LRP2BP: variants seen among roughly 807,000 people sequenced by gnomAD.
LRP2BP encodes the protein LRP2-binding protein.
Under a neutral mutation model 45.2 loss-of-function variants are expected in LRP2BP, and 38 were observed. The observed-to-expected ratio is 0.84, with a 90% CI of 0.65 to 1.10. The LOEUF (loss-of-function observed/expected upper bound fraction) is 1.10. LRP2BP is among the 50% of genes least tolerant of loss of function. LRP2BP has a pLI of 0.00. For missense variants in LRP2BP, 385 were observed against 418.9 expected, an observed-to-expected ratio of 0.92 and a Z score of 0.71; for synonymous variants, 153 against 153.9, an observed-to-expected ratio of 0.99 and a Z score of 0.04.
intron 8 of LRP2BP, 73 bp downstream of exon 8, chr4:185,370,567 A>G: frequency 6.7e-7 from 1 of 1,495,642 alleles, no homozygotes; most frequent in Non-Finnish European, 9.2e-7. Context: ...CTAATCCGTA[A>G]AACTATTCAA....
At chr4:185,389,414 G>A (rs956437164) in intron 1 of LRP2BP, among the ~76,000 whole-genome samples, 3 of 151,424 alleles carry the variant, frequency 2.0e-5, no homozygotes, top group Non-Finnish European at 2.9e-5. Flanking sequence ...GTTTCACTAT[G>A]TTGGCCAGAC....
chr4:185,371,130 G>T, intron 7 of LRP2BP: 1 of 230,634 alleles, frequency 4.3e-6, no homozygotes, highest in Non-Finnish European at 8.7e-6. Flanking sequence ...GATTTAAACT[G>T]AACGGAGAAG....
At chr4:185,391,955 A>G (rs540100824) in intron 1 of LRP2BP, among the ~76,000 whole-genome samples, 84 of 152,352 alleles carry the variant, frequency 5.5e-4, no homozygotes, top group Non-Finnish European at 6.6e-4. Context: ...ATCTGAATCT[A>G]TATTAAGCTA....
At chr4:185,377,911 C>T (rs2095443470) in intron 2 of LRP2BP, 170 bp downstream of exon 2, 2 of 578,978 alleles carry the variant, frequency 3.5e-6, no homozygotes, top group African/African-American at 3.8e-5. Flanking sequence ...GATTTGCTAC[C>T]AGATAAATGA....
At chr4:185,375,237 G>A (rs2095429226) in intron 4 of LRP2BP, among the ~76,000 whole-genome samples, 1 of 150,220 alleles carries the variant, frequency 6.7e-6, no homozygotes, top group Admixed American at 6.6e-5. Flanking sequence ...CACCATGCCT[G>A]GCTAATTTTT....
rs1331237930 is a variant in LRP2BP at position 185,366,819 on chromosome 4, T to A, written c.*361A>T. On this transcript the variant is annotated 3_prime_UTR_variant, in exon 9 of 9. Transcript: ENST00000505916. The stretch of plus-strand genomic sequence containing the variant: ...TTCAAATGATGGTTTTAAATAAGTT[T>A]GTTTCTACTTCTGAACTTACTAAAC... 6.3e-6 allele frequency: 1 copy of A among 159,246 alleles called. No homozygotes were observed. The highest frequency in any genetic ancestry group is 2.4e-5 in the African/African-American group (1 of 41,780). The allele number at this position is 159,246 out of a possible 1,614,324, so 9.9% of individuals were successfully genotyped here. A position where few individuals can be genotyped will look rare whatever the true frequency, so the allele number is the denominator to read the frequency against.
chr4:185,389,626 AAAAC>A (rs780945594), intron 1 of LRP2BP, among the ~76,000 whole-genome samples: 2 of 152,244 alleles, frequency 1.3e-5, no homozygotes, highest in Non-Finnish European at 1.5e-5. Context: ...TCACTAAAAA[AAAAC>A]AACTGAGTTT....
upstream of LRP2BP, chr4:185,397,207 C>G: frequency 6.2e-7 from 1 of 1,614,070 alleles, no homozygotes; most frequent in Non-Finnish European, 8.5e-7. Context: ...ACCCCCGGAT[C>G]CCTGCAAGCA....
intron 7 of LRP2BP, among the ~76,000 whole-genome samples, 174 bp downstream of exon 7, chr4:185,372,682 A>G (rs2095419896): frequency 6.6e-6 from 1 of 152,174 alleles, no homozygotes; most frequent in Non-Finnish European, 1.5e-5. Flanking sequence ...CCTTTTTATA[A>G]AAGAGGTTTC....
At chr4:185,375,492 A>AT in intron 4 of LRP2BP, 121 bp downstream of exon 4, 1 of 54,828 alleles carries the variant, frequency 1.8e-5, no homozygotes, top group African/African-American at 1.2e-4. Flanking sequence ...AAAAAAATAT[A>AT]TATATATATA....
chr4:185,389,816 G>C (rs1246248704), intron 1 of LRP2BP, among the ~76,000 whole-genome samples: 2 of 152,118 alleles, frequency 1.3e-5, no homozygotes, highest in Admixed American at 6.5e-5. Context: ...GGCATTCTTG[G>C]GAGTGGCAGG....
At position 185,374,372 on chromosome 4, in the gene LRP2BP, TC is replaced by T; in HGVS notation, c.419del (p.Gly140GlufsTer34). 1 of 1,614,206 alleles carries T rather than the reference TC, an allele frequency of 6.2e-7. No individual in the cohort carries two copies. The highest frequency in any genetic ancestry group is 1.1e-5 in the South Asian group (1 of 91,082). On this transcript the variant is annotated frameshift_variant, in exon 5 of 9. Transcript: ENST00000505916. LOFTEE classifies it high-confidence loss of function. ...CACCTTTTCCTTCATAATAAGCTCT[TC>T]CGAGGTTGTAAGCAGCTGCAAATTT... ...HLKFAAAYNL[G>X]RAYYEGKGVK...
chr4:185,371,728 TCTAA>T lies in LRP2BP; in HGVS notation c.804-918_804-915del, dbSNP rs1219849897. On this transcript the variant is annotated intron_variant, in intron 7 of 8. Transcript: ENST00000505916. Reference sequence around the variant, plus strand: ...TTAAAGAATGATTTAAAGTCTTAGTTCTAACTAAGATGGGCACTTGCTTTGAGAC... The same window carrying T: ...TTAAAGAATGATTTAAAGTCTTAGTTCTAAGATGGGCACTTGCTTTGAGAC... 9.9e-5 allele frequency among the ~76,000 whole-genome samples: 15 copies of T among 152,214 alleles called. 2 individuals carry two copies. In the East Asian group the frequency reaches 2.9e-3, roughly 29 times the overall value.
At chr4:185,386,772 C>A (rs1296342086) in intron 1 of LRP2BP, among the ~76,000 whole-genome samples, 1 of 152,210 alleles carries the variant, frequency 6.6e-6, no homozygotes, top group Non-Finnish European at 1.5e-5. Flanking sequence ...AATGTAGTTG[C>A]TTTGGACTTA....
intron 2 of LRP2BP, chr4:185,377,740 T>G (rs978794107): frequency 5.3e-6 from 1 of 188,626 alleles, no homozygotes; most frequent in African/African-American, 2.4e-5. Context: ...TATAACATTT[T>G]TAAGACTTTA....
rs775510916 is a variant in LRP2BP at position 185,374,457 on chromosome 4, T to G, written c.335A>C (p.Lys112Thr). 6.9e-6 allele frequency: 11 copies of G among 1,604,690 alleles called. No homozygotes were observed. The South Asian group carries it at 1.2e-4, about 18-fold the overall frequency. Residue 112 changes from lysine to threonine, a missense_variant, in exon 5 of 9, where the codon AAA becomes ACA. Physicochemically the swap from Lys to Thr is moderately conservative, Grantham distance 78. Coordinates refer to ENST00000505916, the MANE Select transcript of LRP2BP (RefSeq NM_001377440.1). ...AATTTTCTTCATATAGTCCACCCCT[T>G]TCTCCTTCGACAAAAGAAAGAGCAA... Reference protein sequence around the residue: ...DGLGTTLDAEKGVDYMKKILD... With the variant: ...DGLGTTLDAETGVDYMKKILD...
Position 185,395,575 on chromosome 4 carries a change from GAATAT to G in LRP2BP, c.-823_-819del, listed in dbSNP as rs1339779364. 1 of 979,556 alleles carries G rather than the reference GAATAT, an allele frequency of 1.0e-6. No homozygotes were observed. The highest frequency in any genetic ancestry group is 1.8e-5 in the African/African-American group (1 of 57,094). 60.7% of individuals were successfully genotyped at this position (979,556 alleles called of 1,614,324 possible). ...GAATAGTTTAAATATTAAAAATGTG[GAATAT>G]AAGAACGATTCTATATATTTGAACA... On this transcript the variant is annotated 5_prime_UTR_variant, in exon 1 of 9. It introduces an in-frame stop codon into an upstream open reading frame of the 5' UTR. Transcript: ENST00000505916.
intron 1 of LRP2BP, among the ~76,000 whole-genome samples, chr4:185,390,343 T>A (rs2095484798): frequency 6.6e-6 from 1 of 151,924 alleles, no homozygotes; most frequent in Non-Finnish European, 1.5e-5. Context: ...AAATCCTGTT[T>A]ATACTAAAAA....
chr4:185,394,654 T>C (rs992278879), intron 1 of LRP2BP, 125 bp downstream of exon 1: 6 of 640,826 alleles, frequency 9.4e-6, no homozygotes, highest in African/African-American at 4.0e-5. Context: ...GAACTACATA[T>C]AGTGCTCTCA....
Sources: allele counts gnomAD v4.1 joint callset (sites outside exome capture counted in the v4.1 genomes callset), GRCh38; gene constraint gnomAD v4.1.1; transcripts MANE v1.5; gene names NCBI Gene and HGNC (gene_info 2026-07-23, HGNC 2026-07-21).